SLC25A48: variants seen among roughly 807,000 people sequenced by gnomAD.
SLC25A48 encodes the protein solute carrier family 25 member 48.
SLC25A48 carries 29 observed loss-of-function variants against 32.2 expected under a neutral mutation model. The ratio of observed to expected loss-of-function variants is 0.90; its 90% CI spans 0.67 to 1.23. The LOEUF (loss-of-function observed/expected upper bound fraction) is 1.23, where lower values mean the gene tolerates loss of function less well. Ranked by LOEUF, SLC25A48 falls within the 50% of genes most tolerant of loss-of-function variation. The pLI, the probability that SLC25A48 is intolerant of heterozygous loss-of-function variation, is 0.00. For missense variants in SLC25A48, 399 were observed against 422.7 expected (o/e 0.94, Z 0.49); for synonymous variants, 164 against 172.3 (o/e 0.95, Z 0.38).
intron 3 of SLC25A48, among the ~76,000 whole-genome samples, chr5:135,651,800 A>G (rs1561775722): frequency 1.3e-5 from 2 of 152,190 alleles, no homozygotes; most frequent in East Asian, 3.9e-4. Context: ...GAAAGATAGA[A>G]GTATGGATCT....
intron 1 of SLC25A48, among the ~76,000 whole-genome samples, chr5:135,614,875 A>G (rs1175321947): frequency 6.6e-6 from 1 of 152,116 alleles, no homozygotes; most frequent in African/African-American, 2.4e-5. Flanking sequence ...TGTTCTCGTG[A>G]TAGTGAGTTC....
chr5:135,658,947 T>A (rs1025026530), intron 3 of SLC25A48, among the ~76,000 whole-genome samples: 4 of 152,226 alleles, frequency 2.6e-5, no homozygotes. Context: ...AACCATTTTT[T>A]CCCTCTTATG....
chr5:135,761,532 A>G (rs900130046), intron 3 of SLC25A48, among the ~76,000 whole-genome samples: 13 of 152,198 alleles, frequency 8.5e-5, no homozygotes, highest in African/African-American at 2.9e-4. Context: ...TTACAAAACC[A>G]TAAAACTAAC....
chr5:135,791,113 T>G (rs969918938), intron 3 of SLC25A48, among the ~76,000 whole-genome samples: 42 of 152,034 alleles, frequency 2.8e-4, no homozygotes, highest in African/African-American at 8.9e-4. Context: ...GTACAGCCTG[T>G]GTGTACAACC....
intron 3 of SLC25A48, among the ~76,000 whole-genome samples, chr5:135,698,372 G>T (rs1391497195): frequency 6.6e-6 from 1 of 152,178 alleles, no homozygotes; most frequent in African/African-American, 2.4e-5. Flanking sequence ...GTGGCCTGTT[G>T]TCAGTCAGCA....
At chr5:135,801,966 G>A (rs922316486) in intron 3 of SLC25A48, among the ~76,000 whole-genome samples, 8 of 151,776 alleles carry the variant, frequency 5.3e-5, no homozygotes, top group African/African-American at 1.9e-4. Context: ...TGCAGTGGGT[G>A]TACACCCCAA....
chr5:135,838,217 G>A (rs1454759682), intron 1 of SLC25A48, among the ~76,000 whole-genome samples: 1 of 152,208 alleles, frequency 6.6e-6, no homozygotes, highest in Non-Finnish European at 1.5e-5. Context: ...TGAGAGAGAT[G>A]TTTTAGGGTA....
intron 3 of SLC25A48, among the ~76,000 whole-genome samples, chr5:135,720,130 C>T (rs1372341030): frequency 2.0e-5 from 3 of 152,226 alleles, no homozygotes; most frequent in Non-Finnish European, 4.4e-5. Context: ...AGCTCCTGCT[C>T]ATTGTAGCAG....
intron 3 of SLC25A48, among the ~76,000 whole-genome samples, chr5:135,658,924 G>T (rs1753320867): frequency 6.6e-6 from 1 of 152,224 alleles, no homozygotes. Flanking sequence ...GGGGCCCTGG[G>T]TCTGGCCCAC....
chr5:135,790,431 C>T (rs984930300), intron 3 of SLC25A48, among the ~76,000 whole-genome samples: 17 of 151,512 alleles, frequency 1.1e-4, no homozygotes, highest in African/African-American at 3.1e-4. Context: ...TGGGTGTACA[C>T]GATTTGTGTA....
chr5:135,586,852 C>T (rs1751377758), intron 1 of SLC25A48, among the ~76,000 whole-genome samples: 1 of 152,100 alleles, frequency 6.6e-6, no homozygotes, highest in African/African-American at 2.4e-5. Flanking sequence ...GCTTCATCAC[C>T]TGGATTATAA....
intron 3 of SLC25A48, among the ~76,000 whole-genome samples, chr5:135,757,163 T>G (rs1755934867): frequency 6.7e-6 from 1 of 150,192 alleles, no homozygotes; most frequent in Non-Finnish European, 1.5e-5. Context: ...TAAAATATCT[T>G]TATAGAATTT....
At chr5:135,597,720 C>A (rs1250976451) in intron 1 of SLC25A48, among the ~76,000 whole-genome samples, 40 of 152,276 alleles carry the variant, frequency 2.6e-4, no homozygotes. Flanking sequence ...AAGTCCCCAC[C>A]TAGCTGGGTG....
At chr5:135,688,348 A>C (rs536187508) in intron 3 of SLC25A48, among the ~76,000 whole-genome samples, 1 of 152,070 alleles carries the variant, frequency 6.6e-6, no homozygotes, top group Non-Finnish European at 1.5e-5. Flanking sequence ...GATACAGTTG[A>C]ATAGTTGACT....
intron 3 of SLC25A48, among the ~76,000 whole-genome samples, chr5:135,635,697 G>A (rs894416647): frequency 6.6e-6 from 1 of 152,084 alleles, no homozygotes; most frequent in Admixed American, 6.6e-5. Flanking sequence ...GTCCCACCAC[G>A]GCTGGTTTCA....
chr5:135,701,577 A>T (rs1320795851), intron 3 of SLC25A48, among the ~76,000 whole-genome samples: 112 of 152,212 alleles, frequency 7.4e-4, no homozygotes. Flanking sequence ...CCTTTAAGGT[A>T]CACAATAAAG....
chr5:135,850,547 C>G (rs1366336680), intron 3 of SLC25A48, 51 bp downstream of exon 3: 1 of 1,579,128 alleles, frequency 6.3e-7, no homozygotes, highest in African/African-American at 1.3e-5. Flanking sequence ...CCCCCACAGG[C>G]TGGGGACCAG....
intron 2 of SLC25A48, among the ~76,000 whole-genome samples, chr5:135,844,070 C>A (rs1481661891): frequency 6.6e-6 from 1 of 152,190 alleles, no homozygotes; most frequent in Non-Finnish European, 1.5e-5. Context: ...CCTTAGAAAC[C>A]TTTTCCACCT....
chr5:135,855,826 C>T (rs1760269971), intron 4 of SLC25A48, among the ~76,000 whole-genome samples: 1 of 152,220 alleles, frequency 6.6e-6, no homozygotes, highest in African/African-American at 2.4e-5. Flanking sequence ...GCAGGCGAGG[C>T]CTTGCTCCTG....
Sources: gnomAD v4.1 joint callset for allele counts (sites outside exome capture counted in the v4.1 genomes callset) on GRCh38, gnomAD v4.1.1 for gene constraint, MANE v1.5 for transcripts, NCBI Gene and HGNC (gene_info 2026-07-23, HGNC 2026-07-21) for gene names.